NF1: variants seen among roughly 807,000 people sequenced by gnomAD.
NF1 encodes the protein neurofibromin 1, also known as neurofibromin.
Under a neutral mutation model 325.7 loss-of-function variants are expected in NF1, and 122 were observed. That is an observed-to-expected ratio of 0.37 (90% CI 0.32 to 0.44). NF1 has a LOEUF of 0.44. Ranked by LOEUF, NF1 falls within the 20% of genes least tolerant of loss-of-function variation. The probability of loss-of-function intolerance (pLI) is 1.00; values close to 1 mark genes in which losing one functional copy is unlikely to be tolerated. For synonymous variants in NF1, 1,091 were observed against 1,186.0 expected (o/e 0.92, Z 1.65); for missense variants, 2,140 against 3,415.4 (o/e 0.63, Z 9.31).
At chr17:31,248,782 C>T (rs988539460) in intron 29 of NF1, among the ~76,000 whole-genome samples, 3 of 151,698 alleles carry the variant, frequency 2.0e-5, no homozygotes, top group Admixed American at 2.0e-4. Flanking sequence ...CTTGGCCTCC[C>T]AAAGTACTGG....
intron 57 of NF1, among the ~76,000 whole-genome samples, chr17:31,366,208 A>G (rs1331519064): frequency 6.6e-6 from 1 of 152,168 alleles, no homozygotes; most frequent in African/African-American, 2.4e-5. Flanking sequence ...GCTGGGAATT[A>G]CAGGCATGAG....
At chr17:31,304,419 C>T (rs188944676) in intron 36 of NF1, 40 of 1,613,976 alleles carry the variant, frequency 2.5e-5, no homozygotes, top group Admixed American at 1.3e-4. Context: ...GTGAGTCAAG[C>T]GGTGGAAATG....
At chr17:31,291,216 T>A (rs2068337636) in intron 36 of NF1, among the ~76,000 whole-genome samples, 1 of 152,130 alleles carries the variant, frequency 6.6e-6, no homozygotes, top group Admixed American at 6.5e-5. Flanking sequence ...TGTACCTTAG[T>A]GTTTGATATG....
At chr17:31,167,321 AAG>A (rs1445613182) in intron 4 of NF1, among the ~76,000 whole-genome samples, 6 of 152,192 alleles carry the variant, frequency 3.9e-5, no homozygotes, top group African/African-American at 9.6e-5. Context: ...TGATGATAGG[AAG>A]AGAGTTCATG....
intron 4 of NF1, among the ~76,000 whole-genome samples, chr17:31,165,109 A>G (rs924742989): frequency 5.3e-5 from 8 of 152,234 alleles, no homozygotes; most frequent in African/African-American, 1.7e-4. Flanking sequence ...CTATCAATGC[A>G]TGAACTGCCT....
At chr17:31,284,956 C>T (rs191838885) in intron 36 of NF1, among the ~76,000 whole-genome samples, 1 of 152,166 alleles carries the variant, frequency 6.6e-6, no homozygotes. Context: ...CCCATCTCTT[C>T]TAAAAATACA....
chr17:31,206,049 A>G (rs1024916223), intron 11 of NF1, among the ~76,000 whole-genome samples, 191 bp from the exon 12 acceptor site: 42 of 152,158 alleles, frequency 2.8e-4, no homozygotes, highest in African/African-American at 9.7e-4. Flanking sequence ...TATGTTTTAT[A>G]ATATAATATG....
chr17:31,123,908 CT>C (rs1914647549), intron 1 of NF1, among the ~76,000 whole-genome samples: 1 of 151,866 alleles, frequency 6.6e-6, no homozygotes, highest in Admixed American at 6.6e-5. Flanking sequence ...ATTTTTGTCT[CT>C]TTATATGTTT....
In NF1 at chr17:31,338,737, T is replaced by A; in HGVS notation, c.6853T>A (p.Tyr2285Asn). The change falls in exon 46 of 58, where the codon TAC becomes AAC. Residue 2285 changes from tyrosine (Y) to asparagine (N), a missense_variant. This residue lies in a region of NF1 where 522 missense variants were observed against 749.0 expected (regional missense o/e 0.70). Coordinates refer to ENST00000358273, the MANE Select transcript of NF1 (RefSeq NM_001042492.3). ...LESCLKGPDT[Y>N]NSQVLIEATV... The stretch of plus-strand genomic sequence containing the variant: ...GAGTTGCTTAAAAGGACCTGACACT[T>A]ACAACAGTCAAGTTCTGATAGAAGC... The A allele has an allele frequency of 6.2e-7, 1 of 1,613,360 alleles. No individual in the cohort carries two copies. Among genetic ancestry groups the A allele is most frequent in the Non-Finnish European group, 8.5e-7 (1 of 1,179,524 alleles).
In NF1 at chr17:31,116,653, CATTTT is replaced by C. The variant is rs555052247; in HGVS notation, c.60+21299_60+21303del. On this transcript the variant is annotated intron_variant, in intron 1 of 57. Coordinates refer to ENST00000358273, the MANE Select transcript of NF1 (RefSeq NM_001042492.3). ...AATTTTATTTTTAGAACTCCAAAAT[CATTTT>C]ATTTTATTTTATTTATTTATTTTTT... Among the ~76,000 whole-genome samples, 28 of 151,940 alleles carry C rather than the reference CATTTT, an allele frequency of 1.8e-4. No individual in the cohort carries two copies. In the South Asian group the frequency reaches 5.2e-3, roughly 28 times the overall value.
intron 36 of NF1, among the ~76,000 whole-genome samples, chr17:31,269,656 C>T (rs1408058600): frequency 6.6e-6 from 1 of 152,200 alleles, no homozygotes; most frequent in Admixed American, 6.5e-5. Context: ...TTCTCTGGCT[C>T]TTAACTCTAC....
intron 11 of NF1, among the ~76,000 whole-genome samples, chr17:31,202,263 G>C (rs1189844093): frequency 6.6e-6 from 1 of 152,130 alleles, no homozygotes; most frequent in Non-Finnish European, 1.5e-5. Context: ...TCACATTTAT[G>C]GGTAAATTGG....
chr17:31,275,409 G>A (rs1369079412), intron 36 of NF1, among the ~76,000 whole-genome samples: 1 of 152,206 alleles, frequency 6.6e-6, no homozygotes, highest in East Asian at 1.9e-4. Context: ...AGAAGGGCGA[G>A]TATAGTACAA....
chr17:31,225,509 G>A (rs561275412), intron 17 of NF1, among the ~76,000 whole-genome samples: 2 of 152,200 alleles, frequency 1.3e-5, no homozygotes, highest in South Asian at 2.1e-4. Flanking sequence ...TGTGTAAATA[G>A]CACTTGACAC....
rs753703727 is a variant in NF1 at position 31,295,154 on chromosome 17, A to G, written c.4835+29815A>G. ...GTTAAGGGTTGTGCTTTGTTGAGGC[A>G]TTTCAGAGAAATTATTTGGCATGCC... On this transcript the variant is annotated intron_variant, in intron 36 of 57. Coordinates refer to ENST00000358273, the MANE Select transcript of NF1 (RefSeq NM_001042492.3). The G allele has an allele frequency of 4.4e-5, 71 of 1,614,042 alleles. No individual in the cohort carries two copies. Among genetic ancestry groups the G allele is most frequent in the Non-Finnish European group, 1.3e-5 (15 of 1,180,022 alleles).
At chr17:31,106,417 A>G (rs1912869829) in intron 1 of NF1, among the ~76,000 whole-genome samples, 1 of 152,168 alleles carries the variant, frequency 6.6e-6, no homozygotes, top group Non-Finnish European at 1.5e-5. Flanking sequence ...ACATGAGAAA[A>G]AAGTTACAGA....
intron 36 of NF1, among the ~76,000 whole-genome samples, chr17:31,290,098 A>T (rs1322838080): frequency 1.3e-5 from 2 of 151,968 alleles, no homozygotes; most frequent in Non-Finnish European, 2.9e-5. Context: ...CATCCGTTTT[A>T]TGAGCTCCTG....
intron 36 of NF1, among the ~76,000 whole-genome samples, chr17:31,277,312 TC>T (rs1215855187): frequency 6.6e-6 from 1 of 152,162 alleles, no homozygotes; most frequent in Admixed American, 6.6e-5. Flanking sequence ...TCACCAATCT[TC>T]CATTCTTGCT....
chr17:31,233,130 G>C lies in NF1; in HGVS notation c.3625G>C (p.Val1209Leu), dbSNP rs1458579232. The C allele has an allele frequency of 1.2e-6, 2 of 1,614,182 alleles. No homozygotes were observed. The highest frequency in any genetic ancestry group is 1.7e-5 in the Admixed American group (1 of 60,028). The change falls in exon 27 of 58, where the codon GTG becomes CTG. Residue 1209 changes from valine to leucine, a missense_variant. Around this residue, in one of 10 missense-constraint regions of NF1, gnomAD observed 336 missense variants for 399.0 expected, o/e 0.84. Transcript: ENST00000358273. The stretch of plus-strand genomic sequence containing the variant: ...ATTGGCTGATCGGTTTGAGAGATTG[G>C]TGGAACTGGTCACAATGATGGGTGA... The part of the protein sequence containing the change: ...TVLADRFERL[V>L]ELVTMMGDQG...
Sources: allele counts gnomAD v4.1 joint callset (sites outside exome capture counted in the v4.1 genomes callset), GRCh38; gene constraint gnomAD v4.1.1; regional missense constraint gnomAD v4.1.1; transcripts MANE v1.5; gene names NCBI Gene and HGNC (gene_info 2026-07-23, HGNC 2026-07-21).